The following OPCML variants were observed in gnomAD, a reference collection of about 807,000 sequenced individuals.
OPCML encodes opioid binding protein/cell adhesion molecule like, also known as opioid-binding protein/cell adhesion molecule.
OPCML carries 13 observed loss-of-function variants against 37.8 expected under a neutral mutation model. That is an observed-to-expected ratio of 0.34 (90% CI 0.22 to 0.55). The LOEUF (loss-of-function observed/expected upper bound fraction) is 0.55. Among genes scored for constraint, OPCML ranks in the 20% least tolerant of loss-of-function variants. The pLI, the probability that OPCML is intolerant of heterozygous loss-of-function variation, is 0.91. For synonymous variants in OPCML, 176 were observed against 168.8 expected, an observed-to-expected ratio of 1.04 and a Z score of -0.33; for missense variants, 341 against 435.6, an observed-to-expected ratio of 0.78 and a Z score of 1.93.
chr11:133,189,087 C>T (rs556267241), intron 1 of OPCML, among the ~76,000 whole-genome samples: 17 of 152,306 alleles, frequency 1.1e-4, no homozygotes, highest in African/African-American at 4.1e-4. Flanking sequence ...TTAAATGGTT[C>T]TCACCATCCA....
intron 1 of OPCML, among the ~76,000 whole-genome samples, chr11:133,038,505 A>T (rs1429103996): frequency 6.6e-6 from 1 of 152,162 alleles, no homozygotes; most frequent in Non-Finnish European, 1.5e-5. Flanking sequence ...CATTATTTTA[A>T]TTTTTTTCCT....
chr11:132,737,903 G>A (rs1946893300), intron 2 of OPCML, among the ~76,000 whole-genome samples: 1 of 152,212 alleles, frequency 6.6e-6, no homozygotes, highest in South Asian at 2.1e-4. Context: ...TTGGAGCAAA[G>A]CCATTGGTAT....
intron 1 of OPCML, among the ~76,000 whole-genome samples, chr11:133,059,373 A>G (rs1311190347): frequency 1.3e-5 from 2 of 152,210 alleles, no homozygotes; most frequent in African/African-American, 2.4e-5. Flanking sequence ...TATTGTCAGG[A>G]TAACATTAGG....
intron 4 of OPCML, among the ~76,000 whole-genome samples, chr11:132,459,410 CACATACATACATACATACATACAT>C (rs71477764): frequency 6.9e-6 from 1 of 144,352 alleles, no homozygotes; most frequent in Non-Finnish European, 1.5e-5. Flanking sequence ...TCTCTCTTCA[CACATACATACATACATACATACAT>C]ACATACATAC....
In OPCML at chr11:132,441,169, T is replaced by G. The variant is rs574102501; in HGVS notation, c.506-3810A>C. On this transcript the variant is annotated intron_variant, in intron 4 of 7. Transcript: ENST00000524381. ...GTGTTCACCAAGGACTTTTTTGTTT[T>G]TTTTTTTTTTTTTTTTGAGACGGAG... is the stretch of plus-strand genomic sequence containing the variant. Among the ~76,000 whole-genome samples, 16 of 113,692 alleles carry G rather than the reference T, an allele frequency of 1.4e-4. No individual in the cohort carries two copies. The South Asian group carries it at 3.1e-3, about 22-fold the overall frequency. 74.6% of individuals were successfully genotyped at this position (113,692 alleles called of 152,430 possible).
Position 132,416,731 on chromosome 11 carries a change from G to A in OPCML, c.*3462C>T, listed in dbSNP as rs1471777755. The A allele has an allele frequency of 6.6e-6, 1 of 152,298 alleles. No homozygotes were observed. The highest frequency in any genetic ancestry group is 1.5e-5 in the Non-Finnish European group (1 of 68,034). The allele number at this position is 152,298 out of a possible 1,614,324, so 9.4% of individuals were successfully genotyped here. ...TTCTTCTGTTTCGTGGAGCACAGTT[G>A]CAGCAGAACAGCCATGCGCAGTGCT... On this transcript the variant is annotated 3_prime_UTR_variant, in exon 8 of 8. Coordinates refer to ENST00000524381, the MANE Select transcript of OPCML (RefSeq NM_001012393.5).
chr11:133,274,239 A>G (rs1941930493), intron 1 of OPCML, among the ~76,000 whole-genome samples: 1 of 152,130 alleles, frequency 6.6e-6, no homozygotes, highest in Non-Finnish European at 1.5e-5. Flanking sequence ...TTGAAGTCCT[A>G]TTACCTGGTC....
At chr11:132,475,714 T>C (rs1436101292) in intron 4 of OPCML, among the ~76,000 whole-genome samples, 2 of 152,224 alleles carry the variant, frequency 1.3e-5, no homozygotes, top group African/African-American at 4.8e-5. Context: ...ATTTCTGTTG[T>C]TTAAGCTACC....
intron 4 of OPCML, among the ~76,000 whole-genome samples, chr11:132,462,676 G>A (rs2096106616): frequency 6.6e-6 from 1 of 152,186 alleles, no homozygotes; most frequent in South Asian, 2.1e-4. Context: ...CTCTCTAGAA[G>A]GGGGGAAGAA....
chr11:132,716,744 T>A (rs1369549786), intron 2 of OPCML, among the ~76,000 whole-genome samples: 1 of 152,212 alleles, frequency 6.6e-6, no homozygotes, highest in Non-Finnish European at 1.5e-5. Flanking sequence ...TTTAAATTAA[T>A]GTTTTCAGAT....
At chr11:133,195,471 C>A (rs1305064213) in intron 1 of OPCML, among the ~76,000 whole-genome samples, 1 of 152,186 alleles carries the variant, frequency 6.6e-6, no homozygotes, top group Non-Finnish European at 1.5e-5. Context: ...AAAAACATTT[C>A]TTCAATATAT....
chr11:133,173,965 C>T lies in OPCML; in HGVS notation c.62-230955G>A, dbSNP rs1477142243. ...CATCCATTCTACAAGGATCCCCAGT[C>T]AGCCAATGCACCGGGACGCTGACAT... On this transcript the variant is annotated intron_variant, in intron 1 of 7. Coordinates refer to ENST00000524381, the MANE Select transcript of OPCML (RefSeq NM_001012393.5). The surrounding 1 kb of genome is among the most constrained non-coding windows in gnomAD (Gnocchi z 7.8). Among the ~76,000 whole-genome samples, 21 of 152,322 alleles carry T rather than the reference C, an allele frequency of 1.4e-4. No homozygotes were observed. The highest frequency in any genetic ancestry group is 1.3e-3 in the Admixed American group (20 of 15,306).
chr11:133,076,903 T>A (rs1948629422), intron 1 of OPCML, among the ~76,000 whole-genome samples: 1 of 152,112 alleles, frequency 6.6e-6, no homozygotes, highest in African/African-American at 2.4e-5. Flanking sequence ...ACAAAAAGAT[T>A]GCAGTTGATT....
At chr11:133,336,644 C>T (rs899995615) in intron 1 of OPCML, among the ~76,000 whole-genome samples, 10 of 152,154 alleles carry the variant, frequency 6.6e-5, no homozygotes, top group Non-Finnish European at 7.4e-5. Flanking sequence ...CAATTTCCCC[C>T]AGCCTCAACT....
chr11:133,117,659 C>T (rs536091372), intron 1 of OPCML: 1 of 378,844 alleles, frequency 2.6e-6, no homozygotes, highest in South Asian at 1.1e-4. Flanking sequence ...GAGATAATTT[C>T]ACTTGCCCTT....
chr11:132,472,791 G>T (rs965077073), intron 4 of OPCML, among the ~76,000 whole-genome samples: 26 of 152,332 alleles, frequency 1.7e-4, no homozygotes, highest in African/African-American at 6.3e-4. Context: ...ACTGCAGGGG[G>T]CAGTGGAAGC....
chr11:133,464,187 T>C (rs1946924440), intron 1 of OPCML, among the ~76,000 whole-genome samples: 2 of 152,158 alleles, frequency 1.3e-5, no homozygotes, highest in Admixed American at 1.3e-4. Context: ...CTGAAAATGT[T>C]CTCTATTATT....
At chr11:132,632,633 G>T (rs1055696914) in intron 3 of OPCML, among the ~76,000 whole-genome samples, 1 of 151,868 alleles carries the variant, frequency 6.6e-6, no homozygotes, top group African/African-American at 2.4e-5. Flanking sequence ...TAGCCAGCCC[G>T]GTATATCTAC....
At chr11:133,230,252 C>A (rs139579648) in intron 1 of OPCML, among the ~76,000 whole-genome samples, 3 of 152,328 alleles carry the variant, frequency 2.0e-5, no homozygotes, top group South Asian at 2.1e-4. Flanking sequence ...GAACACTCAT[C>A]TTGGCTCATG....
Sources: allele counts gnomAD v4.1 joint callset (sites outside exome capture counted in the v4.1 genomes callset), GRCh38; gene constraint gnomAD v4.1.1; non-coding constraint Gnocchi (gnomAD v3.1); transcripts MANE v1.5; gene names NCBI Gene and HGNC (gene_info 2026-07-23, HGNC 2026-07-21).